Variants in SMC5 observed in about 807,000 individuals in gnomAD.
The protein encoded by SMC5 is structural maintenance of chromosomes 5, also known as structural maintenance of chromosomes protein 5.
SMC5 carries 88 observed loss-of-function variants against 148.3 expected under a neutral mutation model. The observed-to-expected ratio is 0.59, with a 90% CI of 0.50 to 0.71. SMC5 has a LOEUF of 0.71. SMC5 is among the 30% of genes least tolerant of loss of function. SMC5 has a pLI of 0.00. For missense variants in SMC5, 1,142 were observed against 1,298.9 expected, an observed-to-expected ratio of 0.88 and a Z score of 1.86; for synonymous variants, 421 against 432.8, an observed-to-expected ratio of 0.97 and a Z score of 0.34.
chr9:70,289,999 G>A (rs748086432), intron 8 of SMC5, among the ~76,000 whole-genome samples: 1 of 152,022 alleles, frequency 6.6e-6, no homozygotes, highest in Non-Finnish European at 1.5e-5. Context: ...ATGCTCAAAG[G>A]AAATGCACTT....
At position 70,352,346 on chromosome 9, in the gene SMC5, G is replaced by C; in HGVS notation, c.*15G>C. On this transcript the variant is annotated 3_prime_UTR_variant, in exon 25 of 25. Coordinates refer to ENST00000361138, the MANE Select transcript of SMC5 (RefSeq NM_015110.4). ...AACCTTCTTAATAAAAGTAAAGAGA[G>C]GGAACTTGGGAATTTTTTTTGTTAA... is the stretch of plus-strand genomic sequence containing the variant. 1 of 1,568,782 alleles carries C rather than the reference G, an allele frequency of 6.4e-7. No homozygotes were observed. Among genetic ancestry groups the C allele is most frequent in the Non-Finnish European group, 8.6e-7 (1 of 1,161,190 alleles).
intron 11 of SMC5, among the ~76,000 whole-genome samples, chr9:70,313,845 A>G (rs781301353): frequency 8.5e-5 from 13 of 152,152 alleles, no homozygotes; most frequent in Non-Finnish European, 1.5e-4. Flanking sequence ...ATAACATTGT[A>G]GAGACTGGAT....
At chr9:70,351,725 AT>A (rs890538217) in intron 24 of SMC5, among the ~76,000 whole-genome samples, 4 of 152,074 alleles carry the variant, frequency 2.6e-5, no homozygotes, top group African/African-American at 7.2e-5. Context: ...AGGTATGCTA[AT>A]TTAGGTAAGG....
At chr9:70,310,547 G>C (rs2035630285) in intron 11 of SMC5, among the ~76,000 whole-genome samples, 1 of 152,160 alleles carries the variant, frequency 6.6e-6, no homozygotes, top group Admixed American at 6.5e-5. Flanking sequence ...TAATTCTAAA[G>C]GGCCCTAGGA....
intron 11 of SMC5, among the ~76,000 whole-genome samples, chr9:70,309,448 C>A (rs2035602525): frequency 6.9e-6 from 1 of 145,016 alleles, no homozygotes; most frequent in South Asian, 2.2e-4. Context: ...CCTAGAACTT[C>A]TTTCAAAATT....
At chr9:70,327,427 T>C (rs889334111) in intron 17 of SMC5, among the ~76,000 whole-genome samples, 1 of 152,208 alleles carries the variant, frequency 6.6e-6, no homozygotes, top group African/African-American at 2.4e-5. Flanking sequence ...CTTTGGAGGA[T>C]ACTGGGGAAC....
chr9:70,265,830 C>T (rs912449681), intron 2 of SMC5, among the ~76,000 whole-genome samples: 27 of 152,284 alleles, frequency 1.8e-4, no homozygotes, highest in African/African-American at 6.3e-4. Flanking sequence ...CGATTCCCAA[C>T]TCAAATTCAC....
intron 3 of SMC5, among the ~76,000 whole-genome samples, chr9:70,273,845 G>A (rs531281719): frequency 4.6e-5 from 7 of 152,218 alleles, no homozygotes; most frequent in Admixed American, 3.9e-4. Flanking sequence ...TTTAGTAATT[G>A]TTCTTTGGCT....
chr9:70,342,907 TG>T (rs1378286613), intron 17 of SMC5, among the ~76,000 whole-genome samples: 1 of 152,208 alleles, frequency 6.6e-6, no homozygotes, highest in Non-Finnish European at 1.5e-5. Flanking sequence ...CACCTGTCCT[TG>T]GAATGTCATC....
intron 1 of SMC5, among the ~76,000 whole-genome samples, chr9:70,262,405 C>G (rs2034162828): frequency 6.6e-6 from 1 of 152,106 alleles, no homozygotes; most frequent in African/African-American, 2.4e-5. Context: ...ATCAGATTTA[C>G]AATTCTACCA....
chr9:70,283,387 C>T (rs149403336), intron 7 of SMC5, among the ~76,000 whole-genome samples: 27 of 152,174 alleles, frequency 1.8e-4, no homozygotes, highest in Middle Eastern at 3.4e-3. Flanking sequence ...GGATCACTTG[C>T]GCCTACGAGG....
In SMC5 at chr9:70,300,179, C is replaced by G. The variant is rs1044127279; in HGVS notation, c.1443C>G (p.Val481=). The G allele has an allele frequency of 6.3e-7, 1 of 1,595,606 alleles. No individual in the cohort carries two copies. The highest frequency in any genetic ancestry group is 1.8e-5 in the Admixed American group (1 of 54,220). The change falls in exon 10 of 25, where the codon GTC becomes GTG. Residue 481 remains valine (V), a synonymous_variant. Coordinates refer to ENST00000361138, the MANE Select transcript of SMC5 (RefSeq NM_015110.4). ...ACAGAGACAAATTTAAACAAAGAGT[C>G]TGTGAGCCCATAATGCTCACGGTAA... ...RNNRDKFKQR[V]CEPIMLTINM... is the part of the protein sequence containing the mutation.
chr9:70,299,272 C>T (rs965972782), intron 9 of SMC5, among the ~76,000 whole-genome samples: 2 of 151,766 alleles, frequency 1.3e-5, no homozygotes, highest in African/African-American at 4.8e-5. Flanking sequence ...ATAGCTGAAC[C>T]AAGTTGTGCA....
intron 17 of SMC5, among the ~76,000 whole-genome samples, chr9:70,334,516 C>G (rs982990482): frequency 6.6e-6 from 1 of 152,186 alleles, no homozygotes; most frequent in Non-Finnish European, 1.5e-5. Flanking sequence ...GGACTTGTAT[C>G]TAGACCAAGA....
At position 70,323,537 on chromosome 9, in the gene SMC5, A is replaced by C. The variant is rs1019883411; in HGVS notation, c.2205A>C (p.Ala735=). The C allele has an allele frequency of 1.9e-6, 3 of 1,612,622 alleles. No individual in the cohort carries two copies. In the African/African-American group the frequency reaches 4.0e-5, roughly 22 times the overall value. ...TCNLEEEERK[A]STKIKEINVQ... ...ATCTTGAAGAGGAAGAGCGAAAAGC[A>C]AGTACCAAAATCAAAGAAATAAATG... The change falls in exon 16 of 25, where the codon GCA becomes GCC. Residue 735 remains alanine (A), a synonymous_variant. Coordinates refer to ENST00000361138, the MANE Select transcript of SMC5 (RefSeq NM_015110.4).
At chr9:70,335,902 C>T (rs752090060) in intron 17 of SMC5, among the ~76,000 whole-genome samples, 8 of 152,078 alleles carry the variant, frequency 5.3e-5, no homozygotes, top group East Asian at 1.9e-4. Flanking sequence ...ATTTTTATTA[C>T]GTCATTTTAA....
intron 18 of SMC5, chr9:70,346,372 A>C (rs1285227708): frequency 3.5e-6 from 2 of 567,148 alleles, no homozygotes; most frequent in Non-Finnish European, 6.2e-6. Flanking sequence ...TAGCCTTTGC[A>C]GGTTGTGCTA....
chr9:70,302,526 C>T (rs1193434748), intron 10 of SMC5, among the ~76,000 whole-genome samples: 1 of 151,334 alleles, frequency 6.6e-6, no homozygotes, highest in Admixed American at 6.6e-5. Context: ...TATAAATTAG[C>T]TGGGCATCGT....
intron 17 of SMC5, among the ~76,000 whole-genome samples, chr9:70,328,218 A>G (rs943552656): frequency 4.6e-5 from 7 of 152,208 alleles, no homozygotes; most frequent in East Asian, 1.9e-4. Context: ...TCAGAACACA[A>G]TCATGCCCTC....
Sources: allele counts gnomAD v4.1 joint callset (sites outside exome capture counted in the v4.1 genomes callset), GRCh38; gene constraint gnomAD v4.1.1; transcripts MANE v1.5; gene names NCBI Gene and HGNC (gene_info 2026-07-23, HGNC 2026-07-21).